HECW1: variants seen among roughly 807,000 people sequenced by gnomAD.
The protein encoded by HECW1 is E3 ubiquitin-protein ligase HECW1.
A neutral mutation model predicts 182.3 loss-of-function variants in HECW1; 61 were observed. The ratio of observed to expected loss-of-function variants is 0.33; its 90% CI spans 0.27 to 0.41. HECW1 has a LOEUF of 0.41. HECW1 is among the 10% of genes least tolerant of loss of function. The pLI, the probability that HECW1 is intolerant of heterozygous loss-of-function variation, is 1.00. For synonymous variants in HECW1, 859 were observed against 832.6 expected, an observed-to-expected ratio of 1.03 and a Z score of -0.55; for missense variants, 1,739 against 2,108.9, an observed-to-expected ratio of 0.82 and a Z score of 3.44.
chr7:43,190,094 T>C (rs140230656), intron 2 of HECW1, among the ~76,000 whole-genome samples: 24 of 152,006 alleles, frequency 1.6e-4, no homozygotes, highest in African/African-American at 5.3e-4. Flanking sequence ...TTTTTGTTGT[T>C]GTTGTTGTTG....
intron 8 of HECW1, among the ~76,000 whole-genome samples, chr7:43,437,498 G>A (rs2076750613): frequency 6.6e-6 from 1 of 152,152 alleles, no homozygotes; most frequent in Non-Finnish European, 1.5e-5. Flanking sequence ...AGTAAATATT[G>A]CCAGTTCCTT....
chr7:43,479,584 G>A, intron 16 of HECW1, 26 bp from the exon 17 acceptor site: 4 of 1,613,824 alleles, frequency 2.5e-6, no homozygotes, highest in Non-Finnish European at 3.4e-6. Flanking sequence ...ACCACACGGT[G>A]CTTTTTTTCA....
At chr7:43,189,648 G>T (rs541041109) in intron 2 of HECW1, among the ~76,000 whole-genome samples, 1 of 152,024 alleles carries the variant, frequency 6.6e-6, no homozygotes, top group East Asian at 1.9e-4. Flanking sequence ...AATACATGGG[G>T]TTAAAAGTAA....
intron 3 of HECW1, among the ~76,000 whole-genome samples, chr7:43,266,421 C>T (rs560656782): frequency 1.3e-5 from 2 of 152,264 alleles, no homozygotes; most frequent in African/African-American, 2.4e-5. Context: ...CTGCGTCCTC[C>T]GCCTCCCGGG....
intron 2 of HECW1, among the ~76,000 whole-genome samples, chr7:43,226,986 T>A (rs1157912591): frequency 1.3e-5 from 2 of 152,234 alleles, no homozygotes; most frequent in African/African-American, 4.8e-5. Flanking sequence ...CATATTTGGA[T>A]GACCATGGTT....
At chr7:43,557,419 G>A (rs942400978) in intron 29 of HECW1, among the ~76,000 whole-genome samples, 1 of 152,230 alleles carries the variant, frequency 6.6e-6, no homozygotes, top group Admixed American at 6.5e-5. Flanking sequence ...GTCAGTCCAA[G>A]CCCCTGCCTG....
intron 8 of HECW1, among the ~76,000 whole-genome samples, chr7:43,429,988 C>A (rs925343409): frequency 9.2e-5 from 14 of 152,222 alleles, no homozygotes; most frequent in Middle Eastern, 3.2e-3. Flanking sequence ...GGTATTCCTG[C>A]CTTACTCTTG....
intron 2 of HECW1, among the ~76,000 whole-genome samples, chr7:43,214,236 T>C (rs1383969908): frequency 6.6e-6 from 1 of 151,994 alleles, no homozygotes; most frequent in Non-Finnish European, 1.5e-5. Flanking sequence ...TGGATGTACA[T>C]ACATGTAAAA....
At chr7:43,190,965 A>G (rs1475368854) in intron 2 of HECW1, among the ~76,000 whole-genome samples, 1 of 152,170 alleles carries the variant, frequency 6.6e-6, no homozygotes, top group Non-Finnish European at 1.5e-5. Context: ...TCCCCCTTCC[A>G]TAAGCTGTGT....
chr7:43,520,370 G>A (rs187952875), intron 24 of HECW1, among the ~76,000 whole-genome samples: 14 of 152,172 alleles, frequency 9.2e-5, no homozygotes, highest in Admixed American at 3.3e-4. Flanking sequence ...GCCAAAGCAC[G>A]AGGACCACCT....
intron 8 of HECW1, among the ~76,000 whole-genome samples, chr7:43,416,567 C>T (rs930000962): frequency 1.3e-5 from 2 of 151,990 alleles, no homozygotes; most frequent in African/African-American, 4.8e-5. Context: ...CCAGTTCGAG[C>T]TTCCAGGCTG....
At chr7:43,430,299 G>A (rs572128023) in intron 8 of HECW1, among the ~76,000 whole-genome samples, 1 of 152,188 alleles carries the variant, frequency 6.6e-6, no homozygotes, top group Middle Eastern at 3.4e-3. Context: ...GGCAATAATG[G>A]ATCCCCTTAT....
chr7:43,468,885 C>T (rs1585003466), intron 15 of HECW1, 35 bp from the exon 16 acceptor site: 3 of 1,602,698 alleles, frequency 1.9e-6, no homozygotes, highest in Non-Finnish European at 2.6e-6. Flanking sequence ...TCCTAATTCC[C>T]CACTCCTTAC....
At chr7:43,460,632 A>G (rs941483492) in intron 13 of HECW1, among the ~76,000 whole-genome samples, 3 of 151,974 alleles carry the variant, frequency 2.0e-5, no homozygotes, top group African/African-American at 7.3e-5. Flanking sequence ...TTAGCCCTCT[A>G]TCTATTATAA....
Position 43,521,667 on chromosome 7 carries a change from G to A in HECW1, c.4019+12546G>A, listed in dbSNP as rs139465317. 2.4e-3 allele frequency among the ~76,000 whole-genome samples: 358 copies of A among 152,298 alleles called. 9 individuals carry two copies. In the East Asian group the frequency reaches 0.051, roughly 22 times the overall value. On this transcript the variant is annotated intron_variant, in intron 24 of 29. Coordinates refer to ENST00000395891, the MANE Select transcript of HECW1 (RefSeq NM_015052.5). ...AAGGCGGGTGGATCACCTGAAGTCA[G>A]GAGTTCAAGACCAGTCTGACAACAT... is the stretch of plus-strand genomic sequence containing the variant.
chr7:43,132,360 A>G (rs2152621909), intron 2 of HECW1, among the ~76,000 whole-genome samples: 1 of 152,326 alleles, frequency 6.6e-6, no homozygotes, highest in Middle Eastern at 3.4e-3. Flanking sequence ...ACACTTACTA[A>G]TAGGGACAAA....
At chr7:43,113,147 G>A (rs1562753238) in intron 1 of HECW1, among the ~76,000 whole-genome samples, 2 of 152,068 alleles carry the variant, frequency 1.3e-5, no homozygotes, top group African/African-American at 2.4e-5. Flanking sequence ...ATCCCCGGGT[G>A]GCGACCCCGG....
intron 5 of HECW1, among the ~76,000 whole-genome samples, chr7:43,339,095 A>G (rs1375481178): frequency 6.6e-6 from 1 of 152,096 alleles, no homozygotes; most frequent in Non-Finnish European, 1.5e-5. Context: ...TAAGACTTTT[A>G]TCTTTGTCTT....
chr7:43,330,785 TA>T (rs1349629381), intron 5 of HECW1, among the ~76,000 whole-genome samples: 4 of 152,128 alleles, frequency 2.6e-5, no homozygotes, highest in Admixed American at 2.6e-4. Context: ...TGGGCCCTAA[TA>T]GTTCTGTGTC....
Sources: allele counts gnomAD v4.1 joint callset (sites outside exome capture counted in the v4.1 genomes callset), GRCh38; gene constraint gnomAD v4.1.1; transcripts MANE v1.5; gene names NCBI Gene and HGNC (gene_info 2026-07-23, HGNC 2026-07-21).